Variants in COLEC12 observed in about 807,000 individuals in gnomAD.
The protein encoded by COLEC12 is collectin subfamily member 12.
In COLEC12, 33 loss-of-function variants were observed where a neutral mutation model predicts 71.1. The ratio of observed to expected loss-of-function variants is 0.46; its 90% confidence interval spans 0.35 to 0.62. COLEC12 has a LOEUF of 0.62. Among genes scored for constraint, COLEC12 ranks in the 20% least tolerant of loss-of-function variants. COLEC12 has a pLI of 0.00. For synonymous variants in COLEC12, 350 were observed against 353.0 expected (o/e 0.99, Z 0.10); for missense variants, 765 against 916.1 (o/e 0.84, Z 2.13).
In COLEC12 at chr18:320,033, C is replaced by T. The variant is rs2143397371; in HGVS notation, c.*12G>A. 6.5e-7 allele frequency: 1 copy of T among 1,536,884 alleles called. No homozygotes were observed. Among genetic ancestry groups the T allele is most frequent in the Non-Finnish European group, 8.9e-7 (1 of 1,122,642 alleles). ...AGCTGAAAATTTGCTCATGTGATCCCATCACAGTCCGTTATAATGCAGATG... is the reference window on the plus strand; with the variant it reads ...AGCTGAAAATTTGCTCATGTGATCCTATCACAGTCCGTTATAATGCAGATG... On this transcript the variant is annotated 3_prime_UTR_variant, in exon 10 of 10. Transcript: ENST00000400256.
intron 2 of COLEC12, among the ~76,000 whole-genome samples, chr18:370,713 C>A (rs948853591): frequency 6.6e-6 from 1 of 152,114 alleles, no homozygotes; most frequent in African/African-American, 2.4e-5. Flanking sequence ...ACAACGGGAT[C>A]CCAGGGATGG....
intron 2 of COLEC12, among the ~76,000 whole-genome samples, chr18:368,700 T>C (rs56344551): frequency 0.14 from 20,502 of 150,974 alleles, 1,544 homozygotes; most frequent in East Asian, 0.31. Flanking sequence ...CCGTCTCCAC[T>C]AAAAAATACA....
intron 2 of COLEC12, among the ~76,000 whole-genome samples, chr18:359,571 C>A (rs1914699861): frequency 6.6e-6 from 1 of 152,178 alleles, no homozygotes; most frequent in Non-Finnish European, 1.5e-5. Flanking sequence ...ACATTCTTGT[C>A]TGAGTGGTCA....
At chr18:325,848 G>C (rs1026600785) in intron 8 of COLEC12, among the ~76,000 whole-genome samples, 2 of 151,924 alleles carry the variant, frequency 1.3e-5, no homozygotes, top group African/African-American at 4.8e-5. Context: ...GTTTTTTGTA[G>C]AGATGGGGTC....
At chr18:439,915 C>T (rs949355755) in intron 2 of COLEC12, among the ~76,000 whole-genome samples, 1 of 152,104 alleles carries the variant, frequency 6.6e-6, no homozygotes, top group African/African-American at 2.4e-5. Context: ...GCATTATTTA[C>T]AATAGCTAAG....
chr18:414,001 G>A (rs144348733), intron 2 of COLEC12, among the ~76,000 whole-genome samples: 1 of 152,270 alleles, frequency 6.6e-6, no homozygotes, highest in Admixed American at 6.5e-5. Context: ...TGAAGAAGTA[G>A]GTGGAGGAAA....
rs1356874882 is a variant in COLEC12, at chr18:318,921, C to T, written c.*1124G>A. On this transcript the variant is annotated 3_prime_UTR_variant, in exon 10 of 10. Transcript: ENST00000400256. Reference sequence around the variant, plus strand: ...ACAAACTTTCCAGGTAACACGTAGCCGGTTCCCATCTTTCTAGCATCTCTG... The same window carrying T: ...ACAAACTTTCCAGGTAACACGTAGCTGGTTCCCATCTTTCTAGCATCTCTG... 12 of 152,070 alleles carry T rather than the reference C, an allele frequency of 7.9e-5. No individual in the cohort carries two copies. Among genetic ancestry groups the T allele is most frequent in the Admixed American group, 7.2e-4 (11 of 15,258 alleles). 9.4% of individuals were successfully genotyped at this position (152,070 alleles called of 1,614,324 possible). A position where few individuals can be genotyped will look rare whatever the true frequency, so the allele number is the denominator to read the frequency against.
intron 2 of COLEC12, among the ~76,000 whole-genome samples, chr18:456,157 G>A (rs1916868234): frequency 6.6e-6 from 1 of 152,190 alleles, no homozygotes; most frequent in Non-Finnish European, 1.5e-5. Context: ...AAAGAATGGA[G>A]AAAAACATTT....
chr18:347,454 G>C (rs1914410924), intron 4 of COLEC12, 113 bp from the exon 5 acceptor site: 1 of 854,202 alleles, frequency 1.2e-6, no homozygotes, highest in African/African-American at 1.7e-5. Flanking sequence ...ATGCAAAATT[G>C]GCAGTATAAG....
chr18:354,231 T>C (rs964456237), intron 3 of COLEC12, among the ~76,000 whole-genome samples: 2 of 152,176 alleles, frequency 1.3e-5, no homozygotes, highest in African/African-American at 2.4e-5. Context: ...AGCTCAACTG[T>C]CCAAGAACAT....
chr18:331,571 C>T (rs768378172), intron 8 of COLEC12, 97 bp downstream of exon 8: 21 of 751,772 alleles, frequency 2.8e-5, no homozygotes, highest in Admixed American at 6.8e-5. Flanking sequence ...GTCTAGGACA[C>T]GAGGTCATTA....
At position 317,680 on chromosome 18, in the gene COLEC12, A is replaced by C. The variant is rs953615618; in HGVS notation, c.*2365T>G. 1 of 152,258 alleles carries C rather than the reference A, an allele frequency of 6.6e-6. No homozygotes were observed. The highest frequency in any genetic ancestry group is 2.1e-4 in the South Asian group (1 of 4,836). The allele number at this position is 152,258 out of a possible 1,614,324, so 9.4% of individuals were successfully genotyped here. On this transcript the variant is annotated 3_prime_UTR_variant, in exon 10 of 10. Coordinates refer to ENST00000400256, the MANE Select transcript of COLEC12 (RefSeq NM_130386.3). ...TTATTTTCAAGTTTCTTCTGAAGACAAATTTTAATTGACACTTGAAAACCA... is the reference window on the plus strand; with the variant it reads ...TTATTTTCAAGTTTCTTCTGAAGACCAATTTTAATTGACACTTGAAAACCA...
At chr18:338,984 ATTTTT>A (rs33991062) in intron 5 of COLEC12, among the ~76,000 whole-genome samples, 13 of 144,490 alleles carry the variant, frequency 9.0e-5, no homozygotes, top group Non-Finnish European at 1.4e-4. Context: ...TATTGTCTTA[ATTTTT>A]TTTTTTTTTT....
At chr18:494,991 A>G (rs1235322248) in intron 1 of COLEC12, among the ~76,000 whole-genome samples, 1 of 152,216 alleles carries the variant, frequency 6.6e-6, no homozygotes, top group Non-Finnish European at 1.5e-5. Flanking sequence ...TTTTAAGAGT[A>G]TTGATGGAAT....
intron 8 of COLEC12, among the ~76,000 whole-genome samples, chr18:322,947 G>A (rs1166984346): frequency 6.6e-6 from 1 of 152,132 alleles, no homozygotes; most frequent in Non-Finnish European, 1.5e-5. Flanking sequence ...TATGAAGGCC[G>A]GGCGTAGTGG....
intron 2 of COLEC12, among the ~76,000 whole-genome samples, chr18:358,740 C>A (rs1342683497): frequency 6.6e-6 from 1 of 152,192 alleles, no homozygotes; most frequent in African/African-American, 2.4e-5. Context: ...TAGACTACTA[C>A]ACACCTAGGC....
chr18:497,106 G>T (rs1917725759), intron 1 of COLEC12, among the ~76,000 whole-genome samples: 2 of 152,148 alleles, frequency 1.3e-5, no homozygotes, highest in Admixed American at 1.3e-4. Context: ...AATATATAAT[G>T]ATGTCATTAT....
intron 2 of COLEC12, among the ~76,000 whole-genome samples, chr18:475,045 G>T (rs186685559): frequency 2.8e-4 from 42 of 152,078 alleles, no homozygotes; most frequent in African/African-American, 9.4e-4. Context: ...CTGCACTCCA[G>T]CCTGGGCGAC....
chr18:382,301 C>G (rs2143564313), intron 2 of COLEC12, among the ~76,000 whole-genome samples: 1 of 152,210 alleles, frequency 6.6e-6, no homozygotes, highest in South Asian at 2.1e-4. Context: ...AAAAAAAATC[C>G]CTTTTTCTTT....
Sources: allele counts gnomAD v4.1 joint callset (sites outside exome capture counted in the v4.1 genomes callset), GRCh38; gene constraint gnomAD v4.1.1; transcripts MANE v1.5; gene names NCBI Gene and HGNC (gene_info 2026-07-23, HGNC 2026-07-21).